Variants in DNAH5 observed in about 807,000 individuals in gnomAD.
DNAH5 encodes axonemal beta dynein heavy chain 5.
A neutral mutation model predicts 518.2 loss-of-function variants in DNAH5; 372 were observed. The ratio of observed to expected loss-of-function variants is 0.72; its 90% CI spans 0.66 to 0.78. The LOEUF (loss-of-function observed/expected upper bound fraction) is 0.78, where lower values mean the gene tolerates loss of function less well. Ranked by LOEUF, DNAH5 falls within the 30% of genes least tolerant of loss-of-function variation. The probability of loss-of-function intolerance (pLI) is 0.00; values close to 1 mark genes in which losing one functional copy is unlikely to be tolerated. For missense variants in DNAH5, 5,523 were observed against 5,687.0 expected (o/e 0.97, Z 0.93); for synonymous variants, 2,039 against 2,025.9 (o/e 1.01, Z -0.17).
At chr5:13,898,784 A>AT (rs1774220513) in intron 15 of DNAH5, 2 of 395,358 alleles carry the variant, frequency 5.1e-6, no homozygotes, top group South Asian at 2.9e-4. Flanking sequence ...CCACTATGAA[A>AT]TTTTAACAAT....
intron 76 of DNAH5, among the ~76,000 whole-genome samples, chr5:13,706,153 T>C (rs1579831432): frequency 6.6e-6 from 1 of 152,206 alleles, no homozygotes; most frequent in Admixed American, 6.5e-5. Flanking sequence ...CTCCTGGCAA[T>C]TGAAGCCAGT....
At chr5:13,764,736 C>T (rs1752273621) in intron 59 of DNAH5, among the ~76,000 whole-genome samples, 1 of 152,152 alleles carries the variant, frequency 6.6e-6, no homozygotes, top group African/African-American at 2.4e-5. Flanking sequence ...CACCAAATGA[C>T]CAATATTCAC....
chr5:13,811,561 A>C (rs1221945717), intron 44 of DNAH5, 86 bp downstream of exon 44: 2 of 1,335,494 alleles, frequency 1.5e-6, no homozygotes. Flanking sequence ...GCATGGCTAC[A>C]TTAATAAGAG....
chr5:13,702,799 T>C (rs1742287814), intron 76 of DNAH5, among the ~76,000 whole-genome samples: 1 of 152,152 alleles, frequency 6.6e-6, no homozygotes, highest in South Asian at 2.1e-4. Context: ...CACTATATGC[T>C]GCCTGCAGAA....
chr5:13,927,986 G>C, intron 3 of DNAH5, 108 bp downstream of exon 3: 1 of 909,886 alleles, frequency 1.1e-6, no homozygotes, highest in Non-Finnish European at 1.8e-6. Context: ...TCTCCCTCCC[G>C]CCCGCAAGGT....
At position 13,707,812 on chromosome 5, in the gene DNAH5, A is replaced by T. The variant is rs374346472; in HGVS notation, c.13338+311T>A. On this transcript the variant is annotated intron_variant, in intron 76 of 78. Coordinates refer to ENST00000265104, the MANE Select transcript of DNAH5 (RefSeq NM_001369.3). The surrounding 1 kb of genome is among the most constrained non-coding windows in gnomAD (Gnocchi z 4.0). Reference sequence around the variant, plus strand: ...AAATTCTGATTCTTGGACTACTTAGATGTGTAATCTGAGAAAAGACTTAAC... The same window carrying T: ...AAATTCTGATTCTTGGACTACTTAGTTGTGTAATCTGAGAAAAGACTTAAC... Among the ~76,000 whole-genome samples, 2 of 152,038 alleles carry T rather than the reference A, an allele frequency of 1.3e-5. No homozygotes were observed. Among genetic ancestry groups the T allele is most frequent in the South Asian group, 2.1e-4 (1 of 4,826 alleles).
chr5:13,814,194 T>G (rs754420913), intron 43 of DNAH5, among the ~76,000 whole-genome samples: 3 of 152,226 alleles, frequency 2.0e-5, no homozygotes, highest in Non-Finnish European at 4.4e-5. Context: ...ATTCCTTATA[T>G]GCAATTTTAA....
rs1760149250 is a variant in DNAH5 at position 13,809,049 on chromosome 5, C to G, written c.7747G>C (p.Gly2583Arg). ...ATAAAAATTAAAAGTCATACCTTGC[C>G]CTGTTTAGCAATGGTTTGAATTAGA... ...DFLIQTIAKQGKAVLLIGEQG... is the reference protein window; with the variant it reads ...DFLIQTIAKQRKAVLLIGEQG... Residue 2583 changes from glycine to arginine, a missense_variant, in exon 46 of 79, where the codon GGC becomes CGC. Coordinates refer to ENST00000265104, the MANE Select transcript of DNAH5 (RefSeq NM_001369.3). The G allele has an allele frequency of 8.1e-6, 13 of 1,614,098 alleles. No homozygotes were observed. The East Asian group carries it at 2.9e-4, about 36-fold the overall frequency.
chr5:14,010,328 A>C (rs1785026299), intron 1 of DNAH5, among the ~76,000 whole-genome samples: 1 of 152,194 alleles, frequency 6.6e-6, no homozygotes, highest in Non-Finnish European at 1.5e-5. Context: ...ACCAAGAGAA[A>C]ATTAGAGGCA....
At chr5:13,807,001 C>T (rs1262931481) in intron 47 of DNAH5, among the ~76,000 whole-genome samples, 1 of 152,142 alleles carries the variant, frequency 6.6e-6, no homozygotes, top group Non-Finnish European at 1.5e-5. Context: ...GGTATAAAAG[C>T]TAGACTGAAA....
rs749126116 is a variant in DNAH5, at chr5:13,901,349, C to T, written c.1955G>A (p.Ser652Asn). Residue 652 changes from serine (S) to asparagine (N), a missense_variant, in exon 14 of 79, where the codon AGC becomes AAC. Physicochemically the swap from Ser to Asn is conservative, Grantham distance 46. This residue lies in a region of DNAH5 where 5,121 missense variants were observed against 5,223.3 expected (regional missense o/e 0.98). Transcript: ENST00000265104. ...QLFQQHPAVLSTAEAKPIIRS... is the reference protein window; with the variant it reads ...QLFQQHPAVLNTAEAKPIIRS... ...AATTATAGGTTTGGCTTCTGCCGTG[C>T]TTAGCACAGCTGGGTGCTGCTGGAA... The T allele has an allele frequency of 1.9e-5, 30 of 1,614,032 alleles. No individual in the cohort carries two copies. The African/African-American group carries it at 2.7e-4, about 14-fold the overall frequency.
chr5:13,778,591 A>AG (rs1491241687), intron 53 of DNAH5, among the ~76,000 whole-genome samples: 35 of 52,472 alleles, frequency 6.7e-4, no homozygotes, highest in Non-Finnish European at 1.1e-3. Flanking sequence ...AGAAAGAAAG[A>AG]AAGAAAGAGA....
At chr5:13,807,769 G>A (rs1313944889) in intron 46 of DNAH5, 44 bp from the exon 47 acceptor site, 1 of 1,535,522 alleles carries the variant, frequency 6.5e-7, no homozygotes, top group Non-Finnish European at 8.9e-7. Flanking sequence ...AAATAAATGA[G>A]TGTGATGGGC....
At chr5:14,004,835 G>A (rs1784608975) in intron 1 of DNAH5, among the ~76,000 whole-genome samples, 1 of 151,494 alleles carries the variant, frequency 6.6e-6, no homozygotes, top group Non-Finnish European at 1.5e-5. Flanking sequence ...TTTAAACTGT[G>A]AAATGATGGG....
intron 58 of DNAH5, among the ~76,000 whole-genome samples, chr5:13,766,499 C>T (rs1197034369): frequency 6.6e-6 from 1 of 152,192 alleles, no homozygotes; most frequent in Non-Finnish European, 1.5e-5. Context: ...ATAGTCAGCA[C>T]ATAAGTAGAT....
intron 1 of DNAH5, among the ~76,000 whole-genome samples, chr5:13,974,788 A>G (rs1211821236): frequency 1.3e-5 from 2 of 151,986 alleles, no homozygotes; most frequent in African/African-American, 2.4e-5. Context: ...ATCTTTACCC[A>G]TTAAGGTTCC....
intron 1 of DNAH5, among the ~76,000 whole-genome samples, chr5:14,007,146 G>T (rs1160230431): frequency 6.6e-6 from 1 of 152,208 alleles, no homozygotes; most frequent in Non-Finnish European, 1.5e-5. Context: ...ATACTTAGTT[G>T]ATCTTCCTTT....
chr5:13,839,092 C>T (rs890034672), intron 35 of DNAH5, among the ~76,000 whole-genome samples: 4 of 152,186 alleles, frequency 2.6e-5, no homozygotes, highest in African/African-American at 7.2e-5. Flanking sequence ...AAAATTAATT[C>T]CCTTTCTTGC....
rs1776541540 is a variant in DNAH5 at position 13,915,428 on chromosome 5, T to C, written c.1198-786A>G. On this transcript the variant is annotated intron_variant, in intron 9 of 78. Transcript: ENST00000265104. ...CATTATTTTATGCTAAATCAAGTTTTGCAAATAATATGCATAAAATCTTAA... is the reference window on the plus strand; with the variant it reads ...CATTATTTTATGCTAAATCAAGTTTCGCAAATAATATGCATAAAATCTTAA... 2.6e-5 allele frequency among the ~76,000 whole-genome samples: 4 copies of C among 152,174 alleles called. No homozygotes were observed. The South Asian group carries it at 8.3e-4, about 31-fold the overall frequency.
Sources: allele counts gnomAD v4.1 joint callset (sites outside exome capture counted in the v4.1 genomes callset), GRCh38; gene constraint gnomAD v4.1.1; regional missense constraint gnomAD v4.1.1; non-coding constraint Gnocchi (gnomAD v3.1); transcripts MANE v1.5; gene names NCBI Gene and HGNC (gene_info 2026-07-23, HGNC 2026-07-21).